Variants in REV1 observed in about 807,000 individuals in gnomAD.
The protein encoded by REV1 is REV1 DNA directed polymerase, also known as translesion synthesis protein REV1.
Under a neutral mutation model 137.4 loss-of-function variants are expected in REV1, and 42 were observed. The ratio of observed to expected loss-of-function variants is 0.31; its 90% CI spans 0.24 to 0.40. The LOEUF (loss-of-function observed/expected upper bound fraction) is 0.40. Among genes scored for constraint, REV1 ranks in the 10% least tolerant of loss-of-function variants. The probability of loss-of-function intolerance (pLI) is 1.00; values close to 1 mark genes in which losing one functional copy is unlikely to be tolerated. For synonymous variants in REV1, 524 were observed against 519.2 expected (o/e 1.01, Z -0.12); for missense variants, 1,282 against 1,490.1 (o/e 0.86, Z 2.30).
intron 1 of REV1, 105 bp from the exon 2 acceptor site, chr2:99,465,090 C>A (rs1456227747): frequency 1.1e-6 from 1 of 918,380 alleles, no homozygotes; most frequent in Non-Finnish European, 1.6e-6. Context: ...TTCAAATGTC[C>A]AACTGATGAA....
intron 3 of REV1, among the ~76,000 whole-genome samples, chr2:99,459,789 A>G (rs1683970833): frequency 6.6e-6 from 1 of 152,216 alleles, no homozygotes; most frequent in African/African-American, 2.4e-5. Flanking sequence ...TTTTGGGGCC[A>G]GGTGAAGGGA....
intron 18 of REV1, 97 bp downstream of exon 18, chr2:99,404,347 A>C: frequency 1.2e-6 from 1 of 829,788 alleles, no homozygotes. Context: ...ATGTGGTGTC[A>C]GATACAGAGG....
intron 3 of REV1, chr2:99,451,284 G>A (rs375344645): frequency 2.3e-5 from 23 of 1,012,426 alleles, no homozygotes; most frequent in South Asian, 1.1e-4. Context: ...GTCCTTTACC[G>A]AATAAAAAGA....
intron 15 of REV1, 21 bp from the exon 16 acceptor site, chr2:99,406,511 T>G: frequency 1.9e-6 from 3 of 1,549,810 alleles, no homozygotes; most frequent in Admixed American, 2.0e-5. Flanking sequence ...GAATAAAGAG[T>G]ATGCTTCTAG....
intron 5 of REV1, among the ~76,000 whole-genome samples, chr2:99,440,585 G>A (rs548301860): frequency 2.4e-4 from 36 of 152,182 alleles, no homozygotes; most frequent in African/African-American, 8.4e-4. Flanking sequence ...CAGTGATGGG[G>A]AAAAAGACAA....
chr2:99,483,742 C>T (rs1686859729), intron 1 of REV1, among the ~76,000 whole-genome samples: 1 of 152,114 alleles, frequency 6.6e-6, no homozygotes. Context: ...CTAAGTGTTG[C>T]TGGTCTTTCC....
At chr2:99,485,208 C>A (rs1440554934) in intron 1 of REV1, among the ~76,000 whole-genome samples, 1 of 152,186 alleles carries the variant, frequency 6.6e-6, no homozygotes, top group African/African-American at 2.4e-5. Flanking sequence ...TCAATTACCA[C>A]AGGCAGAATC....
intron 3 of REV1, among the ~76,000 whole-genome samples, chr2:99,456,755 G>C (rs1215005808): frequency 6.6e-6 from 1 of 152,220 alleles, no homozygotes; most frequent in African/African-American, 2.4e-5. Context: ...GACTGGCTTA[G>C]ACAGGGAAGG....
intron 12 of REV1, among the ~76,000 whole-genome samples, chr2:99,415,191 A>C (rs1677683150): frequency 2.6e-5 from 4 of 152,192 alleles, no homozygotes; most frequent in Admixed American, 2.6e-4. Flanking sequence ...TAAATACGTC[A>C]ATTAAGTAGG....
intron 1 of REV1, among the ~76,000 whole-genome samples, chr2:99,488,909 CATT>C (rs1687379036): frequency 6.6e-6 from 1 of 152,222 alleles, no homozygotes. Context: ...TGCTAGTCTG[CATT>C]ATTTTCACCT....
chr2:99,438,575 A>C (rs767581765), intron 6 of REV1, 26 bp downstream of exon 6: 1 of 1,546,084 alleles, frequency 6.5e-7, no homozygotes, highest in East Asian at 2.2e-5. Context: ...CTGTTTCTTA[A>C]GAAGACAATT....
chr2:99,461,020 G>GCCTA (rs1391744699), intron 3 of REV1, among the ~76,000 whole-genome samples: 1 of 86,684 alleles, frequency 1.2e-5, no homozygotes, highest in African/African-American at 5.5e-5. Context: ...AAGAAGCAAT[G>GCCTA]CCTGTTTTCA....
chr2:99,412,682 T>TA (rs1284797867), intron 13 of REV1, 49 bp downstream of exon 13: 3 of 1,379,142 alleles, frequency 2.2e-6, no homozygotes, highest in African/African-American at 1.4e-5. Flanking sequence ...TAGGACTATG[T>TA]AAAAATATAA....
At chr2:99,470,471 T>G (rs1685293268) in intron 1 of REV1, among the ~76,000 whole-genome samples, 1 of 152,252 alleles carries the variant, frequency 6.6e-6, no homozygotes, top group Admixed American at 6.5e-5. Context: ...GTGCTAACAT[T>G]CTTAAACATC....
At position 99,410,824 on chromosome 2, in the gene REV1, A is replaced by T. The variant is rs780099826; in HGVS notation, c.2216T>A (p.Ile739Asn). Residue 739 changes from isoleucine (I) to asparagine (N), a missense_variant, in exon 14 of 23, where the codon ATT becomes AAT. By Grantham distance (149) the Ile-to-Asn change is moderately radical. Transcript: ENST00000258428. ...GCCAGTGGCTTCTAGTCTTCTTTGA[A>T]TTTCTTCTGAAAGACTCAGAAGAAA... ...EAFLLSLSEE[I>N]QRRLEATGMK... is the part of the protein sequence containing the mutation. 6.2e-7 allele frequency: 1 copy of T among 1,600,664 alleles called. No individual in the cohort carries two copies.
intron 9 of REV1, among the ~76,000 whole-genome samples, chr2:99,427,995 T>C (rs1679602394): frequency 6.6e-6 from 1 of 152,130 alleles, no homozygotes; most frequent in African/African-American, 2.4e-5. Context: ...AGAAGCCTAG[T>C]GCCTACACAC....
rs1368053014 is a variant in REV1 at position 99,418,837 on chromosome 2, T to A, written c.1942A>T (p.Asn648Tyr). 2 of 1,611,364 alleles carry A rather than the reference T, an allele frequency of 1.2e-6. No individual in the cohort carries two copies. Among genetic ancestry groups the A allele is most frequent in the African/African-American group, 2.7e-5 (2 of 74,976 alleles). The change falls in exon 12 of 23, where the codon AAT becomes TAT. Residue 648 changes from asparagine to tyrosine, a missense_variant. This residue lies in a region of REV1 where 372 missense variants were observed against 482.3 expected (regional missense o/e 0.77). Transcript: ENST00000258428. Reference sequence around the variant, plus strand: ...AAATATTTCTATTTACCTGGTAGATTGGTCACTAGCTGGCCTCTGATAAAA... The same window carrying A: ...AAATATTTCTATTTACCTGGTAGATAGGTCACTAGCTGGCCTCTGATAAAA... ...DDFIRGQLVT[N>Y]LPGVGHSMES... is the part of the protein sequence containing the mutation.
At chr2:99,457,688 A>G (rs1360768994) in intron 3 of REV1, among the ~76,000 whole-genome samples, 1 of 102,686 alleles carries the variant, frequency 9.7e-6, no homozygotes, top group Non-Finnish European at 2.0e-5. Context: ...CTGTCTCAAG[A>G]AAAAAAAAAA....
At chr2:99,402,594 T>A (rs1675625338) in intron 21 of REV1, 50 bp downstream of exon 21, 3 of 1,547,140 alleles carry the variant, frequency 1.9e-6, no homozygotes, top group Non-Finnish European at 2.7e-6. Flanking sequence ...TCTCAAATCA[T>A]GAGACGACTA....
Sources: gnomAD v4.1 joint callset for allele counts (sites outside exome capture counted in the v4.1 genomes callset) on GRCh38, gnomAD v4.1.1 for gene constraint, gnomAD v4.1.1 regional missense constraint, MANE v1.5 for transcripts, NCBI Gene and HGNC (gene_info 2026-07-23, HGNC 2026-07-21) for gene names.